The following PRDM16 variants were observed in gnomAD, a reference collection of about 807,000 sequenced individuals.
The protein encoded by PRDM16 is PR/SET domain 16, also known as histone-lysine N-methyltransferase PRDM16.
Under a neutral mutation model 110.6 loss-of-function variants are expected in PRDM16, and 23 were observed. That is an observed-to-expected ratio of 0.21 (90% CI 0.15 to 0.29). The LOEUF (loss-of-function observed/expected upper bound fraction) is 0.29, where lower values mean the gene tolerates loss of function less well. PRDM16 is among the 10% of genes least tolerant of loss of function. PRDM16 has a pLI of 1.00. For missense variants in PRDM16, 1,615 were observed against 1,794.3 expected (o/e 0.90, Z 1.81); for synonymous variants, 799 against 781.8 (o/e 1.02, Z -0.37).
At chr1:3,270,945 GGCAGTTCCAGAGGA>G (rs1197803799) in intron 3 of PRDM16, among the ~76,000 whole-genome samples, 1 of 151,648 alleles carries the variant, frequency 6.6e-6, no homozygotes, top group African/African-American at 2.4e-5. Context: ...GTTCCAGAGG[GGCAGTTCCAGAGGA>G]GCAGTCCCAG....
Position 3,265,608 on chromosome 1 carries a change from G to A in PRDM16, c.438+21471G>A, listed in dbSNP as rs1054553354. Among the ~76,000 whole-genome samples, 11 of 152,050 alleles carry A rather than the reference G, an allele frequency of 7.2e-5. No individual in the cohort carries two copies. The highest frequency in any genetic ancestry group is 1.9e-4 in the East Asian group (1 of 5,178). On this transcript the variant is annotated intron_variant, in intron 3 of 16. Coordinates refer to ENST00000270722, the MANE Select transcript of PRDM16 (RefSeq NM_022114.4). The surrounding 1 kb of genome is among the most constrained non-coding windows in gnomAD (Gnocchi z 4.5). ...CTGGTGGGAGAGGGAGAAGCAGACC[G>A]CAGAGGCCCCTCTTGGGTCTGGGAG... is the stretch of plus-strand genomic sequence containing the variant.
chr1:3,210,207 C>A (rs1638848491), intron 2 of PRDM16, among the ~76,000 whole-genome samples: 3 of 152,258 alleles, frequency 2.0e-5, no homozygotes, highest in Admixed American at 6.5e-5. Context: ...CCAGCCTGCA[C>A]TCACAGGCAG....
At chr1:3,225,926 AG>A (rs1394938835) in intron 2 of PRDM16, among the ~76,000 whole-genome samples, 4 of 152,254 alleles carry the variant, frequency 2.6e-5, no homozygotes, top group Non-Finnish European at 5.9e-5. Context: ...TTACCTCTGC[AG>A]GAACAAATCG....
At position 3,433,527 on chromosome 1, in the gene PRDM16, T is replaced by A. The variant is rs1638826613; in HGVS notation, c.3697-150T>A. 7 of 535,458 alleles carry A rather than the reference T, an allele frequency of 1.3e-5. No homozygotes were observed. The South Asian group carries it at 1.3e-4, about 10-fold the overall frequency. The allele number at this position is 535,458 out of a possible 1,614,324, so 33.2% of individuals were successfully genotyped here. On this transcript the variant is annotated intron_variant, in intron 16 of 16. Coordinates refer to ENST00000270722, the MANE Select transcript of PRDM16 (RefSeq NM_022114.4). ...CGCCCTGCCCACGCGCTCACCTGCC[T>A]GTCTGGGATGGCCCGCCCTGCCCAC...
chr1:3,402,375 C>T (rs1218491928), intron 5 of PRDM16, among the ~76,000 whole-genome samples: 1 of 152,260 alleles, frequency 6.6e-6, no homozygotes, highest in Non-Finnish European at 1.5e-5. Context: ...ATTTGTTTGA[C>T]CTTGACGACA....
Position 3,165,927 on chromosome 1 carries a change from T to C in PRDM16, c.38-20198T>C, listed in dbSNP as rs72550022. Reference sequence around the variant, plus strand: ...CTCAGGGACAGGGACTCACCTGGGCTCAGGGACAGGGACTCACCTTTTTTT... The same window carrying C: ...CTCAGGGACAGGGACTCACCTGGGCCCAGGGACAGGGACTCACCTTTTTTT... On this transcript the variant is annotated intron_variant, in intron 1 of 16. Transcript: ENST00000270722. Among the ~76,000 whole-genome samples the C allele has an allele frequency of 3.1e-3, 356 of 115,052 alleles. 50 individuals are homozygous for C. Among genetic ancestry groups the C allele is most frequent in the East Asian group, 0.018 (43 of 2,368 alleles). 75.5% of individuals were successfully genotyped at this position (115,052 alleles called of 152,430 possible).
At chr1:3,228,034 G>A (rs563470223) in intron 2 of PRDM16, among the ~76,000 whole-genome samples, 15 of 152,258 alleles carry the variant, frequency 9.9e-5, no homozygotes, top group South Asian at 2.1e-4. Context: ...GTTCCGCTCC[G>A]GGAAAGCGAG....
At chr1:3,264,915 G>A (rs1470407226) in intron 3 of PRDM16, among the ~76,000 whole-genome samples, 1 of 152,124 alleles carries the variant, frequency 6.6e-6, no homozygotes, top group Non-Finnish European at 1.5e-5. Flanking sequence ...GGCAGGGATG[G>A]GAAGCCCAGA....
intron 3 of PRDM16, among the ~76,000 whole-genome samples, chr1:3,317,095 C>A (rs1214235655): frequency 6.6e-6 from 1 of 152,212 alleles, no homozygotes; most frequent in African/African-American, 2.4e-5. Context: ...GAAGCAATGA[C>A]ATACGTAATG....
chr1:3,214,665 G>A lies in PRDM16; in HGVS notation c.387+28191G>A, dbSNP rs146301127. On this transcript the variant is annotated intron_variant, in intron 2 of 16. Coordinates refer to ENST00000270722, the MANE Select transcript of PRDM16 (RefSeq NM_022114.4). ...TGAGCCGAGATACATTACCACAATA[G>A]CATCTCGCAGGGGCAAGAATGGCTT... 2.2e-3 allele frequency among the ~76,000 whole-genome samples: 341 copies of A among 152,318 alleles called. 1 individual carries two copies. Among genetic ancestry groups the A allele is most frequent in the Middle Eastern group, 0.017 (5 of 294 alleles).
At position 3,350,240 on chromosome 1, in the gene PRDM16, C is replaced by T. The variant is rs546122222; in HGVS notation, c.439-34912C>T. On this transcript the variant is annotated intron_variant, in intron 3 of 16. Coordinates refer to ENST00000270722, the MANE Select transcript of PRDM16 (RefSeq NM_022114.4). This position sits in a 1 kb window ranked among gnomAD's most constrained non-coding sequence, Gnocchi z 7.1. ...ACTCAGGAGGCTGAGGCAGGAGGAT[C>T]GCTTGAGCTCAGGAGGTCCGGGCTA... Among the ~76,000 whole-genome samples, 40 of 152,272 alleles carry T rather than the reference C, an allele frequency of 2.6e-4. No homozygotes were observed. The highest frequency in any genetic ancestry group is 8.9e-4 in the African/African-American group (37 of 41,562).
chr1:3,216,583 A>G (rs1415141831), intron 2 of PRDM16, among the ~76,000 whole-genome samples: 2 of 152,200 alleles, frequency 1.3e-5, no homozygotes, highest in Non-Finnish European at 1.5e-5. Flanking sequence ...AGCTGGGCAC[A>G]CTCAATGACC....
chr1:3,118,143 G>A (rs986298523), intron 1 of PRDM16, among the ~76,000 whole-genome samples: 1 of 152,020 alleles, frequency 6.6e-6, no homozygotes, highest in African/African-American at 2.4e-5. Flanking sequence ...GTACATGCAT[G>A]TGTGTGCATG....
chr1:3,214,958 G>A (rs1446522784), intron 2 of PRDM16, among the ~76,000 whole-genome samples: 1 of 152,184 alleles, frequency 6.6e-6, no homozygotes, highest in Non-Finnish European at 1.5e-5. Context: ...CTTCCTTTCA[G>A]GGCCACCGAT....
At chr1:3,332,278 A>G (rs943025366) in intron 3 of PRDM16, among the ~76,000 whole-genome samples, 1 of 152,224 alleles carries the variant, frequency 6.6e-6, no homozygotes, top group African/African-American at 2.4e-5. Context: ...CTATTAATTG[A>G]TTCCAATTAC....
At chr1:3,235,570 C>T (rs865876990) in intron 2 of PRDM16, among the ~76,000 whole-genome samples, 11 of 152,300 alleles carry the variant, frequency 7.2e-5, no homozygotes, top group African/African-American at 9.6e-5. Context: ...CTGGAGCCTG[C>T]GCCCCAGGGG....
At chr1:3,167,311 C>T (rs1054177114) in intron 1 of PRDM16, among the ~76,000 whole-genome samples, 10 of 152,272 alleles carry the variant, frequency 6.6e-5, no homozygotes, top group Admixed American at 1.3e-4. Context: ...AAAGCCATTC[C>T]GGAAATCCGT....
chr1:3,069,238 A>G lies in PRDM16; in HGVS notation c.-22A>G. ...TGCTTCTGGACTCAAGGAGGAGGAG[A>G]GAGATTCCGCGAGCCGACACCATGC... On this transcript the variant is annotated 5_prime_UTR_variant, in exon 1 of 17. Coordinates refer to ENST00000270722, the MANE Select transcript of PRDM16 (RefSeq NM_022114.4). The surrounding 1 kb of genome is among the most constrained non-coding windows in gnomAD (Gnocchi z 6.1). The G allele has an allele frequency of 3.8e-6, 6 of 1,575,750 alleles. No homozygotes were observed. Among genetic ancestry groups the G allele is most frequent in the Non-Finnish European group, 3.4e-6 (4 of 1,161,774 alleles).
At chr1:3,100,515 C>G (rs901796769) in intron 1 of PRDM16, among the ~76,000 whole-genome samples, 3 of 152,130 alleles carry the variant, frequency 2.0e-5, no homozygotes, top group Non-Finnish European at 4.4e-5. Flanking sequence ...ACGCCCTGCC[C>G]TCAGTGGACG....
Sources: gnomAD v4.1 joint callset for allele counts (sites outside exome capture counted in the v4.1 genomes callset) on GRCh38, gnomAD v4.1.1 for gene constraint, Gnocchi (gnomAD v3.1) non-coding constraint, MANE v1.5 for transcripts, NCBI Gene and HGNC (gene_info 2026-07-23, HGNC 2026-07-21) for gene names.